The following CSMD2 variants were observed in gnomAD, a reference collection of about 807,000 sequenced individuals.
CSMD2 encodes the protein CUB and sushi domain-containing protein 2.
In CSMD2, 130 loss-of-function variants were observed where a neutral mutation model predicts 398.5. The ratio of observed to expected loss-of-function variants is 0.33; its 90% confidence interval spans 0.28 to 0.38. The LOEUF (loss-of-function observed/expected upper bound fraction) is 0.38, where lower values mean the gene tolerates loss of function less well. Ranked by LOEUF, CSMD2 falls within the 10% of genes least tolerant of loss-of-function variation. The pLI, the probability that CSMD2 is intolerant of heterozygous loss-of-function variation, is 1.00. For synonymous variants in CSMD2, 1,828 were observed against 1,908.5 expected, an observed-to-expected ratio of 0.96 and a Z score of 1.10; for missense variants, 3,829 against 4,764.9, an observed-to-expected ratio of 0.80 and a Z score of 5.78.
chr1:34,059,302 C>A (rs1654203178), intron 2 of CSMD2, among the ~76,000 whole-genome samples: 1 of 152,158 alleles, frequency 6.6e-6, no homozygotes, highest in African/African-American at 2.4e-5. Context: ...ATGGGCCCTT[C>A]TTCTGTGCCT....
intron 1 of CSMD2, among the ~76,000 whole-genome samples, chr1:34,095,571 AG>A (rs2148392683): frequency 6.6e-6 from 1 of 152,278 alleles, no homozygotes; most frequent in African/African-American, 2.4e-5. Flanking sequence ...AAAATGATAA[AG>A]GGGATATCAC....
chr1:34,098,677 A>G (rs1224901372), intron 1 of CSMD2, among the ~76,000 whole-genome samples: 1 of 152,058 alleles, frequency 6.6e-6, no homozygotes, highest in Non-Finnish European at 1.5e-5. Flanking sequence ...AAATTGAGAA[A>G]AGAAAAAGAC....
In CSMD2 at chr1:33,569,436, CCCA is replaced by C; in HGVS notation, c.8066_8068del (p.Val2689del). On this transcript the variant is annotated inframe_deletion, in exon 52 of 71. Coordinates refer to ENST00000373381, the MANE Select transcript of CSMD2 (RefSeq NM_001281956.2). Reference sequence around the variant, plus strand: ...GGCCATGCACTCACGCACCCTGGAGCCCACCAGTGTGTATCCGGAATTGCAGGA... The same window carrying C: ...GGCCATGCACTCACGCACCCTGGAGCCCAGTGTGTATCCGGAATTGCAGGA... 1 of 1,614,166 alleles carries C rather than the reference CCCA, an allele frequency of 6.2e-7. No individual in the cohort carries two copies. The highest frequency in any genetic ancestry group is 1.1e-5 in the South Asian group (1 of 91,082).
chr1:33,935,713 C>CT (rs1322018625), intron 4 of CSMD2, 47 bp downstream of exon 4: 1 of 1,536,334 alleles, frequency 6.5e-7, no homozygotes, highest in Admixed American at 2.0e-5. Flanking sequence ...CCAGCATCAC[C>CT]TCCCAGCCAC....
chr1:33,558,989 A>G (rs1335476236), intron 54 of CSMD2, among the ~76,000 whole-genome samples: 1 of 152,240 alleles, frequency 6.6e-6, no homozygotes, highest in Non-Finnish European at 1.5e-5. Context: ...TGAGAAAAAT[A>G]AACCTCTGTT....
chr1:33,955,131 C>T (rs1453553297), intron 3 of CSMD2, among the ~76,000 whole-genome samples: 4 of 152,182 alleles, frequency 2.6e-5, no homozygotes, highest in Non-Finnish European at 5.9e-5. Flanking sequence ...TGCCCGGATC[C>T]CCATCTGCCT....
chr1:33,553,721 A>T (rs1657681250), intron 55 of CSMD2, among the ~76,000 whole-genome samples: 1 of 152,202 alleles, frequency 6.6e-6, no homozygotes, highest in South Asian at 2.1e-4. Flanking sequence ...AGGAAATTAG[A>T]AGGGCTGCTT....
intron 4 of CSMD2, among the ~76,000 whole-genome samples, chr1:33,926,284 G>C (rs935444025): frequency 1.3e-4 from 20 of 152,310 alleles, no homozygotes; most frequent in Non-Finnish European, 1.5e-4. Context: ...GAGTGGCTGA[G>C]TCAAGATTTC....
intron 2 of CSMD2, among the ~76,000 whole-genome samples, chr1:34,053,186 T>C (rs1016747632): frequency 1.5e-4 from 23 of 152,194 alleles, no homozygotes; most frequent in Admixed American, 2.6e-4. Context: ...CATTACTTTA[T>C]TTTTTAATAG....
chr1:33,831,708 T>C (rs938563899), intron 6 of CSMD2, among the ~76,000 whole-genome samples: 38 of 152,140 alleles, frequency 2.5e-4, no homozygotes, highest in Middle Eastern at 3.4e-3. Flanking sequence ...TTAAAAGACA[T>C]CGACTGGTAA....
chr1:34,075,028 C>T (rs576439208), intron 2 of CSMD2, among the ~76,000 whole-genome samples: 61 of 152,232 alleles, frequency 4.0e-4, no homozygotes, highest in African/African-American at 1.3e-3. Flanking sequence ...TCGTTAAGTT[C>T]CTTGAAGGCA....
chr1:33,701,260 C>G (rs1018879172), intron 22 of CSMD2, among the ~76,000 whole-genome samples: 1 of 152,212 alleles, frequency 6.6e-6, no homozygotes, highest in African/African-American at 2.4e-5. Flanking sequence ...CCCCTTCCCT[C>G]CTAAAATGAG....
At chr1:33,764,977 C>T (rs1000067682) in intron 13 of CSMD2, among the ~76,000 whole-genome samples, 2 of 152,060 alleles carry the variant, frequency 1.3e-5, no homozygotes, top group African/African-American at 4.8e-5. Context: ...AAAGTACCTG[C>T]CTATTTAAGA....
In CSMD2 at chr1:34,089,098, T is replaced by G; in HGVS notation, c.283A>C (p.Thr95Pro). The G allele has an allele frequency of 6.2e-7, 1 of 1,614,182 alleles. No homozygotes were observed. The highest frequency in any genetic ancestry group is 8.5e-7 in the Non-Finnish European group (1 of 1,180,034). Residue 95 changes from threonine (T) to proline (P), a missense_variant, in exon 2 of 71, where the codon ACC becomes CCC. By Grantham distance (38) the Thr-to-Pro change is conservative. This residue lies in a region of CSMD2 where 184 missense variants were observed against 217.7 expected (regional missense o/e 0.85). Transcript: ENST00000373381. The part of the protein sequence containing the change: ...GYPNYANCTW[T>P]ITAEEQHRIQ... ...CTGTGCTGCTCTTCCGCGGTGATGG[T>G]CCACGTGCAGTTGGCGTAATTGGGG...
rs2148917153 is a variant in CSMD2, at chr1:33,636,306, C to T, written c.4969+54G>A. 1.3e-6 allele frequency: 2 copies of T among 1,500,290 alleles called. No individual in the cohort carries two copies. The highest frequency in any genetic ancestry group is 2.5e-5 in the East Asian group (1 of 40,410). The allele number at this position is 1,500,290 out of a possible 1,614,324, so 92.9% of individuals were successfully genotyped here. ...CTTCCCCAGCCCACAGCACCCTCTGCCCCTGGCATGCCCTCAGTTCCTCAG... is the reference window on the plus strand; with the variant it reads ...CTTCCCCAGCCCACAGCACCCTCTGTCCCTGGCATGCCCTCAGTTCCTCAG... On this transcript the variant is annotated intron_variant, in intron 30 of 70. Coordinates refer to ENST00000373381, the MANE Select transcript of CSMD2 (RefSeq NM_001281956.2). This position sits in a 1 kb window ranked among gnomAD's most constrained non-coding sequence, Gnocchi z 4.8.
chr1:33,586,520 T>C lies in CSMD2; in HGVS notation c.7035A>G (p.Pro2345=). The C allele has an allele frequency of 6.2e-7, 1 of 1,612,216 alleles. No individual in the cohort carries two copies. Among genetic ancestry groups the C allele is most frequent in the South Asian group, 1.1e-5 (1 of 91,012 alleles). ...TGCAATTACCTTCACATATCGGGGG[T>C]GGTCCTTCAAACTGCAGGTAGGTTC... The part of the protein sequence containing the change: ...KLGTYLQFEG[P]PPICEVHCPT... Residue 2345 remains proline (P), a synonymous_variant, in exon 46 of 71, where the codon CCA becomes CCG. Transcript: ENST00000373381.
At chr1:33,622,069 A>G in intron 37 of CSMD2, 98 bp downstream of exon 37, 1 of 897,696 alleles carries the variant, frequency 1.1e-6, no homozygotes, top group South Asian at 1.4e-5. Context: ...AGTGGGATGG[A>G]CAATATGCAG....
At chr1:33,662,269 C>T (rs1197301707) in intron 26 of CSMD2, among the ~76,000 whole-genome samples, 1 of 152,172 alleles carries the variant, frequency 6.6e-6, no homozygotes, top group African/African-American at 2.4e-5. Flanking sequence ...AACTAAGAAC[C>T]TGAGCGTGCA....
intron 3 of CSMD2, among the ~76,000 whole-genome samples, chr1:34,027,223 CAA>C (rs1012044854): frequency 2.6e-5 from 4 of 151,976 alleles, no homozygotes; most frequent in African/African-American, 7.3e-5. Flanking sequence ...AGGCAGAGAC[CAA>C]GAGAGAGGAT....
Sources: allele counts gnomAD v4.1 joint callset (sites outside exome capture counted in the v4.1 genomes callset), GRCh38; gene constraint gnomAD v4.1.1; regional missense constraint gnomAD v4.1.1; non-coding constraint Gnocchi (gnomAD v3.1); transcripts MANE v1.5; gene names NCBI Gene and HGNC (gene_info 2026-07-23, HGNC 2026-07-21).